PPP2R2C: variants seen among roughly 807,000 people sequenced by gnomAD.
PPP2R2C encodes protein phosphatase 2 regulatory subunit Bgamma.
A neutral mutation model predicts 45.3 loss-of-function variants in PPP2R2C; 10 were observed. The observed-to-expected ratio is 0.22, with a 90% CI of 0.14 to 0.37. The LOEUF is 0.37. PPP2R2C is among the 10% of genes least tolerant of loss of function. The pLI is 1.00. For missense variants in PPP2R2C, 308 were observed against 619.7 expected (o/e 0.50, Z 5.34); for synonymous variants, 257 against 245.4 (o/e 1.05, Z -0.44).
intron 1 of PPP2R2C, among the ~76,000 whole-genome samples, chr4:6,535,691 C>T (rs2108827028): frequency 6.6e-6 from 1 of 152,362 alleles, no homozygotes; most frequent in South Asian, 2.1e-4. Context: ...CACCCCGCAG[C>T]AGCTATTTCC....
At chr4:6,380,896 C>A (rs149532143) in intron 2 of PPP2R2C, 101 bp downstream of exon 2, 2 of 1,428,030 alleles carry the variant, frequency 1.4e-6, no homozygotes, top group South Asian at 1.5e-5. Context: ...CACCGCATCA[C>A]CCCTTATCCC....
chr4:6,519,379 C>T (rs1418375460), intron 2 of PPP2R2C, among the ~76,000 whole-genome samples: 2 of 152,208 alleles, frequency 1.3e-5, no homozygotes, highest in Non-Finnish European at 1.5e-5. Context: ...CAGAGCCAGG[C>T]CCCATGCTTT....
chr4:6,394,208 G>A (rs376440474), intron 1 of PPP2R2C, among the ~76,000 whole-genome samples: 1 of 152,192 alleles, frequency 6.6e-6, no homozygotes, highest in African/African-American at 2.4e-5. Context: ...TGGTAAAGGG[G>A]AGACTGGTAA....
At chr4:6,386,944 GAC>G (rs1239423978) in intron 1 of PPP2R2C, among the ~76,000 whole-genome samples, 4 of 151,816 alleles carry the variant, frequency 2.6e-5, no homozygotes, top group Non-Finnish European at 5.9e-5. Flanking sequence ...CCATGTCTGA[GAC>G]AGAAAAAAAA....
chr4:6,556,562 C>T (rs988037456), intron 1 of PPP2R2C, among the ~76,000 whole-genome samples: 1 of 152,164 alleles, frequency 6.6e-6, no homozygotes, highest in Non-Finnish European at 1.5e-5. Context: ...CTGAAGAACC[C>T]TGACTACTAC....
intron 1 of PPP2R2C, chr4:6,555,782 C>G (rs1339149046): frequency 7.7e-6 from 1 of 130,006 alleles, no homozygotes; most frequent in Non-Finnish European, 1.6e-5. Flanking sequence ...ATGCATCCGC[C>G]CCCCTGAGAA....
Position 6,378,626 on chromosome 4 carries a change from C to A in PPP2R2C, c.169-54G>T. The A allele has an allele frequency of 6.4e-7, 1 of 1,565,466 alleles. No individual in the cohort carries two copies. The highest frequency in any genetic ancestry group is 8.7e-7 in the Non-Finnish European group (1 of 1,152,614). ...AGCACCGTGACCTGCAGGGCGACGGCTAGGACCTCCGGGGACCCAGCAGGG... is the reference window on the plus strand; with the variant it reads ...AGCACCGTGACCTGCAGGGCGACGGATAGGACCTCCGGGGACCCAGCAGGG... On this transcript the variant is annotated intron_variant, in intron 2 of 8. Coordinates refer to ENST00000382599, the MANE Select transcript of PPP2R2C (RefSeq NM_020416.4). The surrounding 1 kb of genome is among the most constrained non-coding windows in gnomAD (Gnocchi z 5.2).
chr4:6,384,171 G>C, intron 1 of PPP2R2C: 2 of 985,388 alleles, frequency 2.0e-6, no homozygotes, highest in South Asian at 9.4e-5. Context: ...GACACATCTG[G>C]GCAGAAGCCA....
intron 1 of PPP2R2C, among the ~76,000 whole-genome samples, chr4:6,460,930 T>TC (rs1560565244): frequency 6.6e-6 from 1 of 152,014 alleles, no homozygotes. Flanking sequence ...CCACTTCCCA[T>TC]CCCGCTCCAG....
chr4:6,466,308 C>T (rs1267314768), intron 1 of PPP2R2C, among the ~76,000 whole-genome samples: 1 of 152,146 alleles, frequency 6.6e-6, no homozygotes, highest in Admixed American at 6.5e-5. Flanking sequence ...ACACAGGATC[C>T]AAAGTGAAAT....
At chr4:6,444,001 C>A (rs746186460) in intron 1 of PPP2R2C, among the ~76,000 whole-genome samples, 1 of 152,072 alleles carries the variant, frequency 6.6e-6, no homozygotes, top group Non-Finnish European at 1.5e-5. Flanking sequence ...GGAAACCCAA[C>A]CAGGTCCAAA....
At chr4:6,479,033 G>T (rs1722261528) in intron 2 of PPP2R2C, among the ~76,000 whole-genome samples, 2 of 152,202 alleles carry the variant, frequency 1.3e-5, no homozygotes, top group South Asian at 4.1e-4. Flanking sequence ...GAGCGTGCAA[G>T]TACAGTCTCC....
chr4:6,398,435 G>A (rs1184265763), intron 1 of PPP2R2C, among the ~76,000 whole-genome samples: 1 of 152,064 alleles, frequency 6.6e-6, no homozygotes, highest in Non-Finnish European at 1.5e-5. Context: ...ATTTAAAATA[G>A]GCAAAAGATT....
At chr4:6,355,798 C>T (rs1713117509) in intron 5 of PPP2R2C, among the ~76,000 whole-genome samples, 1 of 151,208 alleles carries the variant, frequency 6.6e-6, no homozygotes, top group African/African-American at 2.4e-5. Flanking sequence ...TGAGACCAGC[C>T]TAGCCAACAT....
chr4:6,532,133 C>A (rs532340344), intron 2 of PPP2R2C, among the ~76,000 whole-genome samples: 1 of 152,232 alleles, frequency 6.6e-6, no homozygotes, highest in Non-Finnish European at 1.5e-5. Flanking sequence ...CAGGTTCCCT[C>A]CAATAACACC....
chr4:6,338,247 G>A (rs1281630217), intron 6 of PPP2R2C, among the ~76,000 whole-genome samples: 2 of 152,180 alleles, frequency 1.3e-5, no homozygotes, highest in African/African-American at 4.8e-5. Flanking sequence ...TTAAAAGTTG[G>A]AGAGCTCTCA....
At chr4:6,463,064 G>C (rs932046650) in intron 1 of PPP2R2C, among the ~76,000 whole-genome samples, 7 of 152,198 alleles carry the variant, frequency 4.6e-5, no homozygotes, top group African/African-American at 1.7e-4. Flanking sequence ...GCACAAATTT[G>C]AAAGTTTGCA....
intron 6 of PPP2R2C, among the ~76,000 whole-genome samples, chr4:6,336,777 TTCCC>T (rs1560453743): frequency 1.4e-3 from 7 of 5,154 alleles, no homozygotes; most frequent in African/African-American, 3.6e-3. Context: ...CCCTCCCTCC[TTCCC>T]TCCCTCCCTC....
At position 6,348,049 on chromosome 4, in the gene PPP2R2C, G is replaced by A. The variant is rs112899976; in HGVS notation, c.626-39C>T. 7,064 of 1,599,824 alleles carry A rather than the reference G, an allele frequency of 4.4e-3. 293 individuals carry two copies. In the African/African-American group the frequency reaches 0.083, roughly 19 times the overall value. ...GGTCAAGGAAGGGGCAGTGAAGGGC[G>A]CCCTCAATGCTCCGCCTTCCCGGAG... On this transcript the variant is annotated intron_variant, in intron 5 of 8. Coordinates refer to ENST00000382599, the MANE Select transcript of PPP2R2C (RefSeq NM_020416.4).
Sources: allele counts gnomAD v4.1 joint callset (sites outside exome capture counted in the v4.1 genomes callset), GRCh38; gene constraint gnomAD v4.1.1; non-coding constraint Gnocchi (gnomAD v3.1); transcripts MANE v1.5; gene names NCBI Gene and HGNC (gene_info 2026-07-23, HGNC 2026-07-21).